TNRC6C: variants seen among roughly 807,000 people sequenced by gnomAD.
TNRC6C encodes the protein trinucleotide repeat-containing gene 6C protein.
In TNRC6C, 20 loss-of-function variants were observed where a neutral mutation model predicts 153.7. That is an observed-to-expected ratio of 0.13 (90% confidence interval 0.09 to 0.19). The LOEUF is 0.19. Ranked by LOEUF, TNRC6C falls within the 10% of genes least tolerant of loss-of-function variation. The pLI, the probability that TNRC6C is intolerant of heterozygous loss-of-function variation, is 1.00. For missense variants in TNRC6C, 1,987 were observed against 2,172.0 expected (o/e 0.91, Z 1.69); for synonymous variants, 811 against 841.4 (o/e 0.96, Z 0.63).
chr17:78,004,951 A>G, upstream of TNRC6C: 1 of 906,438 alleles, frequency 1.1e-6, no homozygotes, highest in Non-Finnish European at 1.4e-6. Context: ...CATTTTTAAA[A>G]TTTTCAATAC....
chr17:78,106,583 A>G (rs1267334147), exon 20 of TNRC6C: 1 of 151,776 alleles, frequency 6.6e-6, no homozygotes, highest in African/African-American at 2.4e-5. Flanking sequence ...GGAAAAAAAA[A>G]CACAAAGAAG....
At chr17:78,099,934 G>A (rs2073559285) in intron 17 of TNRC6C, among the ~76,000 whole-genome samples, 1 of 152,182 alleles carries the variant, frequency 6.6e-6, no homozygotes, top group African/African-American at 2.4e-5. Flanking sequence ...CATTCCAAAT[G>A]GGAGAAATTG....
intron 1 of TNRC6C, among the ~76,000 whole-genome samples, chr17:77,967,729 A>G (rs932009196): frequency 6.6e-6 from 1 of 152,250 alleles, no homozygotes; most frequent in Non-Finnish European, 1.5e-5. Context: ...ATCAATTACA[A>G]GGTAATTCCT....
chr17:78,051,846 CTG>C (rs1461427040), intron 3 of TNRC6C, among the ~76,000 whole-genome samples: 1 of 152,190 alleles, frequency 6.6e-6, no homozygotes, highest in Non-Finnish European at 1.5e-5. Flanking sequence ...TGGCAGATGA[CTG>C]TGTCAGTTCA....
In TNRC6C at chr17:78,010,963, T is replaced by C. The variant is rs571392748; in HGVS notation, c.-546+5884T>C. ...GCCTAGCGGCAAGGAAGCGGGGCGC[T>C]GTGCTCCGGGGGCGCCTCCCGAGGG... is the stretch of plus-strand genomic sequence containing the variant. On this transcript the variant is annotated intron_variant, in intron 1 of 19. Transcript: ENST00000301624. Among the ~76,000 whole-genome samples the C allele has an allele frequency of 1.7e-4, 26 of 152,356 alleles. No individual in the cohort carries two copies. In the South Asian group the frequency reaches 5.0e-3, roughly 29 times the overall value.
intron 2 of TNRC6C, 56 bp downstream of exon 4, chr17:78,031,898 A>C (rs779109501): frequency 8.1e-7 from 1 of 1,227,132 alleles, no homozygotes; most frequent in African/African-American, 1.6e-5. Flanking sequence ...GCTATTTTCA[A>C]CTTTGCTGCT....
intron 13 of TNRC6C, among the ~76,000 whole-genome samples, chr17:78,087,821 G>T (rs1216038156): frequency 2.0e-5 from 3 of 152,230 alleles, no homozygotes; most frequent in Admixed American, 6.5e-5. Context: ...CCGCAGGTCA[G>T]TAGAAGACAT....
intron 1 of TNRC6C, among the ~76,000 whole-genome samples, chr17:77,998,076 C>T: frequency 6.6e-6 from 1 of 152,108 alleles, no homozygotes; most frequent in East Asian, 1.9e-4. Flanking sequence ...TTAACAAACA[C>T]ATACAACCAT....
upstream of TNRC6C, among the ~76,000 whole-genome samples, chr17:77,958,893 C>A (rs1014102960): frequency 6.8e-6 from 1 of 146,698 alleles, no homozygotes; most frequent in Admixed American, 6.7e-5. Context: ...CGGGCCCGCC[C>A]GAGCCGGAGG....
chr17:77,976,104 A>C (rs547756084), intron 1 of TNRC6C, among the ~76,000 whole-genome samples: 3 of 152,360 alleles, frequency 2.0e-5, no homozygotes, highest in African/African-American at 7.2e-5. Context: ...TAAGAATTAA[A>C]TGAGATAGTA....
intron 1 of TNRC6C, among the ~76,000 whole-genome samples, chr17:78,030,386 A>G (rs1319275124): frequency 6.6e-6 from 1 of 151,748 alleles, no homozygotes; most frequent in African/African-American, 2.4e-5. Context: ...CTGGTCTCGA[A>G]CTCTTGACCT....
At chr17:78,097,298 A>C (rs567309189) in intron 16 of TNRC6C, among the ~76,000 whole-genome samples, 34 of 149,640 alleles carry the variant, frequency 2.3e-4, no homozygotes, top group Admixed American at 7.4e-4. Context: ...GAAATACTCA[A>C]ATTTTTATGG....
At chr17:78,040,684 A>G (rs1010586893) in intron 2 of TNRC6C, among the ~76,000 whole-genome samples, 1 of 152,248 alleles carries the variant, frequency 6.6e-6, no homozygotes, top group Admixed American at 6.5e-5. Flanking sequence ...ACTTTCAAAA[A>G]CACAGAAGAA....
chr17:78,064,434 G>C (rs759416869), intron 3 of TNRC6C, among the ~76,000 whole-genome samples: 8 of 152,154 alleles, frequency 5.3e-5, no homozygotes, highest in Non-Finnish European at 1.2e-4. Flanking sequence ...ACACGCCCCA[G>C]TAGTCCCAGC....
chr17:78,049,406 A>G lies in TNRC6C; in HGVS notation c.344A>G (p.Glu115Gly). The change falls in exon 3 of 20, where the codon GAA (glutamate) becomes GGA (glycine). Residue 115 changes from glutamate to glycine, a missense_variant. Transcript: ENST00000301624. The surrounding 1 kb of genome is among the most constrained non-coding windows in gnomAD (Gnocchi z 4.1). ...GCTGCCTGGCCTGTACTTGGACATGAAGGAACCGTGGCGACAGGCAACCCT... is the reference window on the plus strand; with the variant it reads ...GCTGCCTGGCCTGTACTTGGACATGGAGGAACCGTGGCGACAGGCAACCCT... 2 of 1,614,020 alleles carry G rather than the reference A, an allele frequency of 1.2e-6. No homozygotes were observed. The highest frequency in any genetic ancestry group is 2.2e-5 in the South Asian group (2 of 91,086).
chr17:77,991,217 C>T (rs540902955), intron 1 of TNRC6C, among the ~76,000 whole-genome samples: 1 of 152,138 alleles, frequency 6.6e-6, no homozygotes, highest in African/African-American at 2.4e-5. Context: ...TCATCATATT[C>T]CTGTAGAGTC....
chr17:78,006,215 G>T (rs1408730164), intron 1 of TNRC6C, among the ~76,000 whole-genome samples: 1 of 152,198 alleles, frequency 6.6e-6, no homozygotes, highest in African/African-American at 2.4e-5. Flanking sequence ...AGGGAGTCCA[G>T]GTCTCTGAAC....
intron 1 of TNRC6C, among the ~76,000 whole-genome samples, chr17:78,018,833 A>G (rs950701258): frequency 3.9e-5 from 6 of 152,192 alleles, no homozygotes; most frequent in African/African-American, 1.4e-4. Flanking sequence ...AATCCAGGCC[A>G]TAGATTGAGA....
chr17:78,071,237 ATGTT>A, intron 6 of TNRC6C, 72 bp downstream of exon 8: 5 of 1,415,714 alleles, frequency 3.5e-6, no homozygotes, highest in Non-Finnish European at 4.9e-6. Context: ...TTTCCTCTCC[ATGTT>A]TGTTATGTGT....
Sources: allele counts gnomAD v4.1 joint callset (sites outside exome capture counted in the v4.1 genomes callset), GRCh38; gene constraint gnomAD v4.1.1; non-coding constraint Gnocchi (gnomAD v3.1); transcripts MANE v1.5; gene names NCBI Gene and HGNC (gene_info 2026-07-23, HGNC 2026-07-21).